The following AMZ1 variants were observed in gnomAD, a reference collection of about 807,000 sequenced individuals.
AMZ1 encodes archaelysin family metallopeptidase 1.
Under a neutral mutation model 29.9 loss-of-function variants are expected in AMZ1, and 39 were observed. That is an observed-to-expected ratio of 1.30 (90% CI 1.01 to 1.70). AMZ1 has a LOEUF of 1.70. AMZ1 is among the 40% of genes most tolerant of loss of function. The pLI is 0.00. For missense variants in AMZ1, 1,041 were observed against 680.6 expected, an observed-to-expected ratio of 1.53 and a Z score of -5.89; for synonymous variants, 458 against 304.0, an observed-to-expected ratio of 1.51 and a Z score of -5.27.
rs1046280601 is a variant in AMZ1 at position 2,718,347 on chromosome 7, G to A, written c.*5469G>A. On this transcript the variant is annotated 3_prime_UTR_variant, in exon 7 of 7. Transcript: ENST00000683327. ...TTTCTGGATACAGCATGACTGAACC[G>A]CCCCTTCTCAGCAAAGGCCAACACG... is the stretch of plus-strand genomic sequence containing the variant. Among the ~76,000 whole-genome samples, 16 of 152,158 alleles carry A rather than the reference G, an allele frequency of 1.1e-4. No homozygotes were observed. The highest frequency in any genetic ancestry group is 3.1e-4 in the African/African-American group (13 of 41,432).
chr7:2,717,368 C>CT lies in AMZ1; in HGVS notation c.*4491dup. ...CTGGAAGCAAACGACGGCCCGTCCT[C>CT]TAAGCTGGCTTTGCAGCTCCAGTAA... is the stretch of plus-strand genomic sequence containing the variant. On this transcript the variant is annotated 3_prime_UTR_variant, in exon 7 of 7. Coordinates refer to ENST00000683327, the MANE Select transcript of AMZ1 (RefSeq NM_001384743.1). 6.6e-6 allele frequency among the ~76,000 whole-genome samples: 1 copy of CT among 152,246 alleles called. No homozygotes were observed. The highest frequency in any genetic ancestry group is 6.5e-5 in the Admixed American group (1 of 15,286).
In AMZ1 at chr7:2,735,481, G is replaced by A. The variant is rs114987960; in HGVS notation, n.550+25665G>A. ...CACACGTGCTCCGCCCAGATAGTAC[G>A]GACGCAAGGGGAAAAGCACCACAGA... On this transcript the variant is annotated intron_variant and non_coding_transcript_variant, in intron 4 of 4. Transcript: ENST00000489665. Among the ~76,000 whole-genome samples, 253 of 152,258 alleles carry A rather than the reference G, an allele frequency of 1.7e-3. 3 individuals are homozygous for A. Among genetic ancestry groups the A allele is most frequent in the African/African-American group, 5.0e-3 (208 of 41,544 alleles).
chr7:2,722,351 C>A (rs1789460533), downstream of AMZ1, among the ~76,000 whole-genome samples: 1 of 151,888 alleles, frequency 6.6e-6, no homozygotes, highest in Non-Finnish European at 1.5e-5. Context: ...CGGCTCACTG[C>A]AAGCTCTGCC....
downstream of AMZ1, among the ~76,000 whole-genome samples, chr7:2,722,368 G>T (rs1789461034): frequency 6.6e-6 from 1 of 152,006 alleles, no homozygotes; most frequent in South Asian, 2.1e-4. Context: ...TGCCTCCCGG[G>T]TTCATGCCAT....
At chr7:2,736,638 C>A (rs1040002288) in intron 4 of AMZ1, among the ~76,000 whole-genome samples, 1 of 152,214 alleles carries the variant, frequency 6.6e-6, no homozygotes, top group Non-Finnish European at 1.5e-5. Flanking sequence ...AGGACCTAGG[C>A]CGACACACGC....
intron 1 of AMZ1, among the ~76,000 whole-genome samples, chr7:2,689,372 G>GGGA (rs751792021): frequency 2.0e-5 from 3 of 151,778 alleles, no homozygotes; most frequent in African/African-American, 4.8e-5. Flanking sequence ...AACCTCCCTG[G>GGGA]GGGGGGGATG....
rs1046891693 is a variant in AMZ1 at position 2,751,471 on chromosome 7, G to A, written n.551-13241G>A. Among the ~76,000 whole-genome samples, 5 of 149,068 alleles carry A rather than the reference G, an allele frequency of 3.4e-5. 1 individual carries two copies. Among genetic ancestry groups the A allele is most frequent in the Admixed American group, 2.7e-4 (4 of 15,002 alleles). ...CACTGACCAAAGGTACCACCTCAAA[G>A]AGCTTAATGAAGAGCTCTTTAAACT... On this transcript the variant is annotated intron_variant and non_coding_transcript_variant, in intron 4 of 4. Transcript: ENST00000489665.
In AMZ1 at chr7:2,712,688, C is replaced by A; in HGVS notation, c.1307C>A (p.Ala436Asp). 1.2e-6 allele frequency: 2 copies of A among 1,612,368 alleles called. No individual in the cohort carries two copies. Among genetic ancestry groups the A allele is most frequent in the Non-Finnish European group, 1.7e-6 (2 of 1,179,640 alleles). Residue 436 changes from alanine to aspartate, a missense_variant, in exon 7 of 7, where the codon GCC becomes GAC. By Grantham distance (126) the Ala-to-Asp change is moderately radical. Transcript: ENST00000683327. Reference sequence around the variant, plus strand: ...GTGCAGGTGGACAGAGCCGTGGACGCCCTCGACCGCTGGGAGATGTTCACG... The same window carrying A: ...GTGCAGGTGGACAGAGCCGTGGACGACCTCGACCGCTGGGAGATGTTCACG... Reference protein sequence around the residue: ...DLVQVDRAVDALDRWEMFTGQ... With the variant: ...DLVQVDRAVDDLDRWEMFTGQ...
downstream of AMZ1, among the ~76,000 whole-genome samples, chr7:2,722,628 A>G (rs1179563936): frequency 1.3e-5 from 2 of 152,196 alleles, no homozygotes; most frequent in East Asian, 3.8e-4. Flanking sequence ...TAATTTTTTG[A>G]GATTCGAGAC....
intron 4 of AMZ1, among the ~76,000 whole-genome samples, chr7:2,746,367 A>AC: frequency 6.6e-6 from 1 of 150,810 alleles, no homozygotes; most frequent in Non-Finnish European, 1.5e-5. Context: ...GGATTAAGAA[A>AC]TCAAAACCGC....
chr7:2,717,610 T>C lies in AMZ1; in HGVS notation c.*4732T>C, dbSNP rs1022236002. On this transcript the variant is annotated 3_prime_UTR_variant, in exon 7 of 7. Coordinates refer to ENST00000683327, the MANE Select transcript of AMZ1 (RefSeq NM_001384743.1). ...ATTTATGGCTCTTGGAACACGAGGCTGTCAAAGATAAACACCGCAGGGTAA... is the reference window on the plus strand; with the variant it reads ...ATTTATGGCTCTTGGAACACGAGGCCGTCAAAGATAAACACCGCAGGGTAA... 4.6e-5 allele frequency among the ~76,000 whole-genome samples: 7 copies of C among 152,224 alleles called. No individual in the cohort carries two copies. Among genetic ancestry groups the C allele is most frequent in the African/African-American group, 1.7e-4 (7 of 41,448 alleles).
At chr7:2,722,312 G>A (rs1789458269), downstream of AMZ1, among the ~76,000 whole-genome samples, 4 of 150,180 alleles carry the variant, frequency 2.7e-5, no homozygotes, top group South Asian at 2.1e-4. Context: ...TCGCTCTCTC[G>A]CCTGGGCTGG....
At chr7:2,732,026 T>G (rs1251480021) in intron 4 of AMZ1, among the ~76,000 whole-genome samples, 2 of 152,248 alleles carry the variant, frequency 1.3e-5, no homozygotes, top group Non-Finnish European at 2.9e-5. Context: ...ACATCCATTT[T>G]CTTCTCCAGA....
At chr7:2,756,538 C>T (rs1189155527) in intron 4 of AMZ1, among the ~76,000 whole-genome samples, 1 of 151,134 alleles carries the variant, frequency 6.6e-6, no homozygotes. Flanking sequence ...TCTCTTGAGC[C>T]CGGGAGGTCG....
chr7:2,742,018 T>G (rs1001601505), intron 4 of AMZ1, among the ~76,000 whole-genome samples: 1 of 151,784 alleles, frequency 6.6e-6, no homozygotes, highest in Non-Finnish European at 1.5e-5. Flanking sequence ...ACACTTGAAT[T>G]TTTTTATTTT....
upstream of AMZ1, among the ~76,000 whole-genome samples, chr7:2,683,622 T>C (rs1786965575): frequency 6.6e-6 from 1 of 152,032 alleles, no homozygotes; most frequent in Admixed American, 6.5e-5. Context: ...ATATTTTTAA[T>C]AGAGACGGGG....
chr7:2,707,438 C>A (rs1225431638), intron 3 of AMZ1, among the ~76,000 whole-genome samples: 1 of 152,118 alleles, frequency 6.6e-6, no homozygotes, highest in Non-Finnish European at 1.5e-5. Flanking sequence ...TTTCCTGGGC[C>A]CGTGGTGGCT....
intron 4 of AMZ1, among the ~76,000 whole-genome samples, chr7:2,740,242 T>C (rs1208432269): frequency 1.3e-5 from 2 of 152,186 alleles, no homozygotes; most frequent in Admixed American, 1.3e-4. Context: ...AGACTGCATG[T>C]TTGTATGCTC....
In AMZ1 at chr7:2,712,645, G is replaced by C. The variant is rs1788868005; in HGVS notation, c.1264G>C (p.Val422Leu). ...AMCIQALQRE[V>L]AEEDLVQVDR... ...GTGCATCCAGGCCCTGCAGCGGGAA[G>C]TGGCAGAGGAGGACCTGGTGCAGGT... The change falls in exon 7 of 7, where the codon GTG becomes CTG. Residue 422 changes from valine (V) to leucine (L), a missense_variant. Coordinates refer to ENST00000683327, the MANE Select transcript of AMZ1 (RefSeq NM_001384743.1). 6.2e-7 allele frequency: 1 copy of C among 1,613,040 alleles called. No homozygotes were observed. Among genetic ancestry groups the C allele is most frequent in the Non-Finnish European group, 8.5e-7 (1 of 1,179,922 alleles).
Sources: gnomAD v4.1 joint callset for allele counts (sites outside exome capture counted in the v4.1 genomes callset) on GRCh38, gnomAD v4.1.1 for gene constraint, MANE v1.5 for transcripts, NCBI Gene and HGNC (gene_info 2026-07-23, HGNC 2026-07-21) for gene names.